The following PHLDB2 variants were observed in gnomAD, a reference collection of about 807,000 sequenced individuals.
PHLDB2 encodes pleckstrin homology-like domain family B member 2.
In PHLDB2, 71 loss-of-function variants were observed where a neutral mutation model predicts 123.6. The ratio of observed to expected loss-of-function variants is 0.57; its 90% CI spans 0.47 to 0.70. The LOEUF is 0.70. Among genes scored for constraint, PHLDB2 ranks in the 30% least tolerant of loss-of-function variants. PHLDB2 has a pLI of 0.00. For synonymous variants in PHLDB2, 547 were observed against 541.6 expected (o/e 1.01, Z -0.14); for missense variants, 1,446 against 1,519.5 (o/e 0.95, Z 0.80).
At chr3:111,776,796 G>A (rs1007377667) in intron 1 of PHLDB2, among the ~76,000 whole-genome samples, 8 of 151,948 alleles carry the variant, frequency 5.3e-5, no homozygotes, top group African/African-American at 1.9e-4. Flanking sequence ...TAAAACCAGT[G>A]GTATTTATTA....
chr3:111,748,794 T>G (rs2059723170), intron 1 of PHLDB2, among the ~76,000 whole-genome samples: 1 of 152,174 alleles, frequency 6.6e-6, no homozygotes, highest in Non-Finnish European at 1.5e-5. Flanking sequence ...AGTGCTGGGA[T>G]TACAGGCGTG....
chr3:111,854,075 AC>A (rs1559868788), intron 2 of PHLDB2, among the ~76,000 whole-genome samples: 1 of 152,212 alleles, frequency 6.6e-6, no homozygotes. Context: ...CAGGAAGCTT[AC>A]AATCATGGCA....
At chr3:111,902,383 A>G (rs909007942) in intron 2 of PHLDB2, among the ~76,000 whole-genome samples, 4 of 152,226 alleles carry the variant, frequency 2.6e-5, no homozygotes, top group Non-Finnish European at 5.9e-5. Flanking sequence ...ACTTGAGCCC[A>G]GGAGATTGAG....
chr3:111,804,559 A>C (rs988670703), intron 1 of PHLDB2, among the ~76,000 whole-genome samples: 1 of 152,228 alleles, frequency 6.6e-6, no homozygotes, highest in African/African-American at 2.4e-5. Context: ...TACTATCTGC[A>C]GCATAAGTAC....
chr3:111,807,417 A>G (rs1181638320), intron 1 of PHLDB2, among the ~76,000 whole-genome samples: 1 of 152,178 alleles, frequency 6.6e-6, no homozygotes, highest in East Asian at 1.9e-4. Context: ...TTTAAATCTC[A>G]AAAGAAGCAT....
At chr3:111,759,235 A>G (rs1440979526) in intron 1 of PHLDB2, among the ~76,000 whole-genome samples, 1 of 152,190 alleles carries the variant, frequency 6.6e-6, no homozygotes, top group East Asian at 1.9e-4. Context: ...GAGGCTGGAA[A>G]GGCCACAATT....
At chr3:111,757,032 G>C (rs2059903411) in intron 1 of PHLDB2, among the ~76,000 whole-genome samples, 1 of 152,184 alleles carries the variant, frequency 6.6e-6, no homozygotes, top group African/African-American at 2.4e-5. Flanking sequence ...TTAGTCTGAT[G>C]GGCTTCCCTT....
chr3:111,967,841 G>T lies in PHLDB2; in HGVS notation c.3315+17G>T. 6.3e-7 allele frequency: 1 copy of T among 1,598,306 alleles called. No homozygotes were observed. Among genetic ancestry groups the T allele is most frequent in the South Asian group, 1.1e-5 (1 of 88,360 alleles). On this transcript the variant is annotated intron_variant, in intron 15 of 17. Coordinates refer to ENST00000431670, the MANE Select transcript of PHLDB2 (RefSeq NM_001134438.2). ...AGGGCACAGGTTGGTCGGTCAATCT[G>T]AATGCATATGGGCAGGTTGCCCCCT...
chr3:111,803,158 A>T (rs1248124341), intron 1 of PHLDB2, among the ~76,000 whole-genome samples: 3 of 152,222 alleles, frequency 2.0e-5, no homozygotes. Context: ...GGCATCTGCT[A>T]CTTGGGAGCA....
At chr3:111,754,133 G>T (rs1238624711) in intron 1 of PHLDB2, among the ~76,000 whole-genome samples, 1 of 151,812 alleles carries the variant, frequency 6.6e-6, no homozygotes, top group Admixed American at 6.6e-5. Context: ...GGCGATGTGG[G>T]CTCTTTTTTG....
intron 1 of PHLDB2, chr3:111,859,953 G>C: frequency 1.0e-6 from 1 of 974,908 alleles, no homozygotes; most frequent in African/African-American, 1.8e-5. Flanking sequence ...GGCTGGGGTC[G>C]GCAGTGCCCA....
chr3:111,757,295 G>A (rs996019599), intron 1 of PHLDB2, among the ~76,000 whole-genome samples: 2 of 152,136 alleles, frequency 1.3e-5, no homozygotes, highest in African/African-American at 4.8e-5. Flanking sequence ...CCAATCAGAT[G>A]TAGATTTGGT....
At chr3:111,762,133 G>C (rs2060007017) in intron 1 of PHLDB2, among the ~76,000 whole-genome samples, 1 of 152,106 alleles carries the variant, frequency 6.6e-6, no homozygotes, top group South Asian at 2.1e-4. Context: ...TGCCAGACTA[G>C]ACTTAGATTT....
In PHLDB2 at chr3:111,831,042, G is replaced by GAAGGAAGA. The variant is rs1559855461; in HGVS notation, c.-48-14776_-48-14775insGAAGAAAG. Among the ~76,000 whole-genome samples, 117 of 105,386 alleles carry GAAGGAAGA rather than the reference G, an allele frequency of 1.1e-3. 4 individuals carry two copies. Among genetic ancestry groups the GAAGGAAGA allele is most frequent in the African/African-American group, 4.6e-3 (86 of 18,744 alleles). 69.1% of individuals were successfully genotyped at this position (105,386 alleles called of 152,430 possible). A position where few individuals can be genotyped will look rare whatever the true frequency, so the allele number is the denominator to read the frequency against. On this transcript the variant is annotated intron_variant, in intron 1 of 17. Coordinates refer to the PHLDB2 transcript ENST00000393923. ...GAAAGAAAGAAAGAAAGGAAGGAAG[G>GAAGGAAGA]AAGAAAGAGAAAAGAGAGAGATAGA...
chr3:111,957,844 T>C (rs2071149848), intron 12 of PHLDB2, among the ~76,000 whole-genome samples: 1 of 152,252 alleles, frequency 6.6e-6, no homozygotes, highest in Admixed American at 6.5e-5. Flanking sequence ...GAACTGTGCT[T>C]CAAATAATTG....
At chr3:111,842,079 G>T (rs1576847742) in intron 1 of PHLDB2, among the ~76,000 whole-genome samples, 1 of 152,184 alleles carries the variant, frequency 6.6e-6, no homozygotes, top group East Asian at 1.9e-4. Flanking sequence ...GTAAATTTAG[G>T]GAAAAGTACC....
At position 111,865,934 on chromosome 3, in the gene PHLDB2, C is replaced by T. The variant is rs145685296; in HGVS notation, c.-15+6358C>T. On this transcript the variant is annotated intron_variant, in intron 1 of 17. Coordinates refer to ENST00000431670, the MANE Select transcript of PHLDB2 (RefSeq NM_001134438.2). The stretch of plus-strand genomic sequence containing the variant: ...TATAATACTCATTCTGCACAATCAG[C>T]TGCTAAGTAATGAAGATATGATATT... Among the ~76,000 whole-genome samples, 469 of 150,326 alleles carry T rather than the reference C, an allele frequency of 3.1e-3. 5 individuals carry two copies. Among genetic ancestry groups the T allele is most frequent in the African/African-American group, 0.011 (442 of 40,942 alleles).
At chr3:111,802,087 A>G (rs1453951490) in intron 1 of PHLDB2, among the ~76,000 whole-genome samples, 1 of 152,234 alleles carries the variant, frequency 6.6e-6, no homozygotes, top group East Asian at 1.9e-4. Context: ...GTAACTTGCT[A>G]AAAATTGATT....
rs764548587 is a variant in PHLDB2, at chr3:111,969,918, TA to T, written c.3535+14del. 4.3e-6 allele frequency: 7 copies of T among 1,612,026 alleles called. No individual in the cohort carries two copies. Among genetic ancestry groups the T allele is most frequent in the Non-Finnish European group, 5.9e-6 (7 of 1,178,332 alleles). On this transcript the variant is annotated intron_variant, in intron 16 of 17. Transcript: ENST00000431670. ...ATTCTCTTATTATGCAGGTGGGTGA[TA>T]AAAACAATTTAAGCCATATACTCAA...
Sources: gnomAD v4.1 joint callset for allele counts (sites outside exome capture counted in the v4.1 genomes callset) on GRCh38, gnomAD v4.1.1 for gene constraint, MANE v1.5 for transcripts, NCBI Gene and HGNC (gene_info 2026-07-23, HGNC 2026-07-21) for gene names.